IFFO2: variants seen among roughly 807,000 people sequenced by gnomAD.
IFFO2 encodes the protein intermediate filament family orphan 2.
Under a neutral mutation model 53.5 loss-of-function variants are expected in IFFO2, and 19 were observed. The ratio of observed to expected loss-of-function variants is 0.36; its 90% CI spans 0.25 to 0.52. The LOEUF (loss-of-function observed/expected upper bound fraction) is 0.52. Among genes scored for constraint, IFFO2 ranks in the 20% least tolerant of loss-of-function variants. IFFO2 has a pLI of 0.94. For missense variants in IFFO2, 570 were observed against 727.4 expected (o/e 0.78, Z 2.49); for synonymous variants, 303 against 313.6 (o/e 0.97, Z 0.36).
chr1:18,926,417 GGGCCA>G, intron 1 of IFFO2, among the ~76,000 whole-genome samples: 1 of 152,294 alleles, frequency 6.6e-6, no homozygotes, highest in Non-Finnish European at 1.5e-5. Context: ...CCACAGCCCT[GGGCCA>G]GGGAGGGGAG....
chr1:18,908,785 T>C, intron 8 of IFFO2, 119 bp from the exon 9 acceptor site: 4 of 718,118 alleles, frequency 5.6e-6, no homozygotes, highest in Non-Finnish European at 9.9e-6. Flanking sequence ...GGCCTGGTCC[T>C]GAGCTCCTGC....
chr1:18,951,449 C>T (rs1453424866), intron 1 of IFFO2, among the ~76,000 whole-genome samples: 8 of 152,318 alleles, frequency 5.3e-5, no homozygotes, highest in Admixed American at 3.3e-4. Context: ...GCCACTCGCA[C>T]GGGAGGGAAC....
chr1:18,952,872 T>C (rs767840275), intron 1 of IFFO2, among the ~76,000 whole-genome samples: 5 of 152,234 alleles, frequency 3.3e-5, no homozygotes, highest in Admixed American at 6.5e-5. Context: ...AATGAAGTTG[T>C]TAAAATATTT....
intron 1 of IFFO2, among the ~76,000 whole-genome samples, chr1:18,938,094 T>C (rs1313806062): frequency 1.2e-5 from 1 of 85,054 alleles, no homozygotes; most frequent in African/African-American, 5.3e-5. Context: ...AGCCACCCCC[T>C]GTCCCTTATC....
At chr1:18,929,557 C>T (rs893657511) in intron 1 of IFFO2, among the ~76,000 whole-genome samples, 1 of 152,162 alleles carries the variant, frequency 6.6e-6, no homozygotes, top group East Asian at 1.9e-4. Flanking sequence ...CACATTCCCC[C>T]ACCTGACATT....
At chr1:18,940,688 T>C (rs1936509086) in intron 1 of IFFO2, among the ~76,000 whole-genome samples, 1 of 152,132 alleles carries the variant, frequency 6.6e-6, no homozygotes, top group Non-Finnish European at 1.5e-5. Flanking sequence ...AGGTCCTAGG[T>C]GTCCCCTGGG....
rs1936715078 is a variant in IFFO2, at chr1:18,955,724, G to A, written c.609C>T (p.Arg203=). ...CCTTGGCCAGCACGTTGTAGAGCGC[G>A]CGGATCTCCGGCGTGATGGTGTCGA... ...VQIDTITPEI[R]ALYNVLAKVK... is the part of the protein sequence containing the mutation. Residue 203 remains arginine (R), a synonymous_variant, in exon 1 of 9, where the codon CGC becomes CGT. Transcript: ENST00000455833. 5 of 1,594,342 alleles carry A rather than the reference G, an allele frequency of 3.1e-6. No homozygotes were observed. Among genetic ancestry groups the A allele is most frequent in the Non-Finnish European group, 4.3e-6 (5 of 1,173,538 alleles).
chr1:18,908,559 C>G lies in IFFO2; in HGVS notation c.*2G>C, dbSNP rs1485495057. 1.3e-6 allele frequency: 2 copies of G among 1,549,652 alleles called. No homozygotes were observed. Among genetic ancestry groups the G allele is most frequent in the Non-Finnish European group, 1.7e-6 (2 of 1,145,100 alleles). On this transcript the variant is annotated 3_prime_UTR_variant, in exon 9 of 9. Coordinates refer to ENST00000455833, the MANE Select transcript of IFFO2 (RefSeq NM_001136265.2). ...ACCACCAGGCTCGCAGGGCCTCAGT[C>G]ATCAGCTGACCATGGGCTCCACATC...
chr1:18,938,374 T>C (rs987903263), intron 1 of IFFO2, among the ~76,000 whole-genome samples: 4 of 152,204 alleles, frequency 2.6e-5, no homozygotes, highest in Non-Finnish European at 5.9e-5. Flanking sequence ...GGAGGGCTGC[T>C]ACAGCGTCCA....
At position 18,908,488 on chromosome 1, in the gene IFFO2, G is replaced by A. The variant is rs764070362; in HGVS notation, c.*73C>T. The A allele has an allele frequency of 6.8e-5, 77 of 1,127,768 alleles. No homozygotes were observed. Among genetic ancestry groups the A allele is most frequent in the Non-Finnish European group, 9.7e-5 (74 of 762,492 alleles). 69.9% of individuals were successfully genotyped at this position (1,127,768 alleles called of 1,614,324 possible). On this transcript the variant is annotated 3_prime_UTR_variant, in exon 9 of 9. Transcript: ENST00000455833. Reference sequence around the variant, plus strand: ...GTGGCTTCGAACCCCACTCCGAGGGGCCTTCCTGGCCCCATGAGGAGAGGT... The same window carrying A: ...GTGGCTTCGAACCCCACTCCGAGGGACCTTCCTGGCCCCATGAGGAGAGGT...
chr1:18,911,264 C>T (rs1484579629), intron 7 of IFFO2, 120 bp downstream of exon 7: 4 of 457,402 alleles, frequency 8.7e-6, no homozygotes, highest in Non-Finnish European at 1.5e-5. Context: ...ACTCCCGATC[C>T]TGCGCCTGCC....
rs1056191316 is a variant in IFFO2 at position 18,904,957 on chromosome 1, C to T, written c.*3604G>A. ...CCTGGGACCCGCAAAGGCCCAGGCT[C>T]CAAGGAAGTCGTGTGCTCCCACTGT... is the stretch of plus-strand genomic sequence containing the variant. On this transcript the variant is annotated 3_prime_UTR_variant, in exon 9 of 9. Transcript: ENST00000455833. 7 of 152,442 alleles carry T rather than the reference C, an allele frequency of 4.6e-5. No individual in the cohort carries two copies. Among genetic ancestry groups the T allele is most frequent in the African/African-American group, 1.7e-4 (7 of 41,570 alleles). The allele number at this position is 152,442 out of a possible 1,614,324, so 9.4% of individuals were successfully genotyped here.
Position 18,908,171 on chromosome 1 carries a change from C to A in IFFO2, c.*390G>T. ...GACGGACGGCAGAAACCACATTACA[C>A]CACGGCCGGTTGGCCCGGCCCTCAG... On this transcript the variant is annotated 3_prime_UTR_variant, in exon 9 of 9. Coordinates refer to ENST00000455833, the MANE Select transcript of IFFO2 (RefSeq NM_001136265.2). 3.5e-5 allele frequency: 8 copies of A among 230,654 alleles called. No homozygotes were observed. Among genetic ancestry groups the A allele is most frequent in the South Asian group, 1.8e-4 (3 of 16,968 alleles). 14.3% of individuals were successfully genotyped at this position (230,654 alleles called of 1,614,324 possible). A position where few individuals can be genotyped will look rare whatever the true frequency, so the allele number is the denominator to read the frequency against.
intron 1 of IFFO2, 77 bp downstream of exon 1, chr1:18,955,591 G>C: frequency 1.4e-6 from 2 of 1,475,618 alleles, no homozygotes; most frequent in Non-Finnish European, 1.8e-6. Context: ...CCCGGCCCCC[G>C]TCCCGCATAC....
intron 1 of IFFO2, among the ~76,000 whole-genome samples, chr1:18,954,283 G>C (rs933406730): frequency 1.3e-5 from 2 of 152,230 alleles, no homozygotes; most frequent in African/African-American, 4.8e-5. Flanking sequence ...ACCTCCCAAA[G>C]AGCATCACCA....
chr1:18,929,924 C>A (rs1387612047), intron 1 of IFFO2, among the ~76,000 whole-genome samples: 1 of 152,216 alleles, frequency 6.6e-6, no homozygotes, highest in African/African-American at 2.4e-5. Flanking sequence ...CTGCCATGAT[C>A]CCTGGACAAG....
At chr1:18,940,562 CGGATGGATGGATGGATGGATGGATGGAT>C (rs142740984) in intron 1 of IFFO2, among the ~76,000 whole-genome samples, 4 of 148,308 alleles carry the variant, frequency 2.7e-5, no homozygotes, top group Non-Finnish European at 4.5e-5. Context: ...GATGGACAAA[CGGATGGATGGATGGATGGATGGATGGAT>C]GGATGGATGG....
chr1:18,933,942 G>A (rs1936411841), intron 1 of IFFO2, among the ~76,000 whole-genome samples: 1 of 149,930 alleles, frequency 6.7e-6, no homozygotes, highest in Non-Finnish European at 1.5e-5. Flanking sequence ...TCTCCCCGCA[G>A]CCCCTGGCAA....
At position 18,916,651 on chromosome 1, in the gene IFFO2, C is replaced by T. The variant is rs757073467; in HGVS notation, c.1103+252G>A. Among the ~76,000 whole-genome samples, 5 of 152,058 alleles carry T rather than the reference C, an allele frequency of 3.3e-5. No homozygotes were observed. The highest frequency in any genetic ancestry group is 7.4e-5 in the Non-Finnish European group (5 of 68,024). On this transcript the variant is annotated intron_variant, in intron 5 of 8. Transcript: ENST00000455833. The surrounding 1 kb of genome is among the most constrained non-coding windows in gnomAD (Gnocchi z 4.3). ...GCATGGTGGCACATGCCTGTGCTCC[C>T]AACTACTTGGGAGGCTGAGATGAAA...
Sources: gnomAD v4.1 joint callset for allele counts (sites outside exome capture counted in the v4.1 genomes callset) on GRCh38, gnomAD v4.1.1 for gene constraint, Gnocchi (gnomAD v3.1) non-coding constraint, MANE v1.5 for transcripts, NCBI Gene and HGNC (gene_info 2026-07-23, HGNC 2026-07-21) for gene names.